Variants in BEND6 observed in about 807,000 individuals in gnomAD.
The protein encoded by BEND6 is BEN domain containing 6.
In BEND6, 24 loss-of-function variants were observed where a neutral mutation model predicts 31.8. The observed-to-expected ratio is 0.75, with a 90% confidence interval of 0.55 to 1.06. The LOEUF (loss-of-function observed/expected upper bound fraction) is 1.06, where lower values mean the gene tolerates loss of function less well. Among genes scored for constraint, BEND6 ranks in the 50% least tolerant of loss-of-function variants. BEND6 has a pLI of 0.00. For missense variants in BEND6, 294 were observed against 327.4 expected, an observed-to-expected ratio of 0.90 and a Z score of 0.79; for synonymous variants, 109 against 114.6, an observed-to-expected ratio of 0.95 and a Z score of 0.31.
intron 2 of BEND6, among the ~76,000 whole-genome samples, chr6:56,988,510 C>T (rs1826371907): frequency 6.6e-6 from 1 of 152,154 alleles, no homozygotes; most frequent in Middle Eastern, 3.2e-3. Flanking sequence ...TGAATGTTTA[C>T]TATGTGCAAT....
Position 56,992,545 on chromosome 6 carries a change from C to A in BEND6, c.288C>A (p.Val96=). Reference sequence around the variant, plus strand: ...ACAGCCGACTTCGACAGTCTTTGGTCATGCTTCAAGGTAAACTTTGAGAAA... The same window carrying A: ...ACAGCCGACTTCGACAGTCTTTGGTAATGCTTCAAGGTAAACTTTGAGAAA... ...KENSRLRQSL[V]MLQVLPQAVT... is the part of the protein sequence containing the mutation. The change falls in exon 3 of 7, where the codon GTC becomes GTA. Residue 96 remains valine, a synonymous_variant. Coordinates refer to ENST00000370746, the MANE Select transcript of BEND6 (RefSeq NM_152731.3). The A allele has an allele frequency of 1.9e-6, 3 of 1,610,966 alleles. No homozygotes were observed. The South Asian group carries it at 3.3e-5, about 18-fold the overall frequency.
intron 3 of BEND6, among the ~76,000 whole-genome samples, chr6:57,011,524 C>T (rs1243097588): frequency 6.6e-6 from 1 of 151,640 alleles, no homozygotes; most frequent in African/African-American, 2.4e-5. Flanking sequence ...TCAAGACCAG[C>T]CTGGGCAACA....
intron 1 of BEND6, among the ~76,000 whole-genome samples, chr6:56,975,150 A>G (rs1228302594): frequency 6.6e-6 from 1 of 152,056 alleles, no homozygotes; most frequent in African/African-American, 2.4e-5. Flanking sequence ...AAAAAAATAA[A>G]GGCAAAGCAC....
rs184617335 is a variant in BEND6, at chr6:57,001,787, A to T, written c.298+9232A>T. Among the ~76,000 whole-genome samples the T allele has an allele frequency of 1.3e-3, 198 of 152,350 alleles. 1 individual carries two copies. The highest frequency in any genetic ancestry group is 2.7e-3 in the Admixed American group (41 of 15,302). On this transcript the variant is annotated intron_variant, in intron 3 of 6. Transcript: ENST00000370746. ...TAATGAAACCTACTACCACAAAAAC[A>T]CACTTAAGTACGTTGCCCACAGATA...
intron 3 of BEND6, chr6:57,008,441 G>A: frequency 3.5e-6 from 2 of 566,710 alleles, no homozygotes; most frequent in Non-Finnish European, 6.3e-6. Flanking sequence ...AAATCTGTCT[G>A]TGTAACTGGA....
intron 1 of BEND6, among the ~76,000 whole-genome samples, chr6:56,965,203 A>G (rs1380922477): frequency 6.6e-6 from 1 of 152,124 alleles, no homozygotes; most frequent in Admixed American, 6.5e-5. Flanking sequence ...TTTAAATTTT[A>G]ATGTTGCTTC....
intron 1 of BEND6, among the ~76,000 whole-genome samples, chr6:56,964,699 T>A (rs959415440): frequency 6.6e-6 from 1 of 152,170 alleles, no homozygotes; most frequent in African/African-American, 2.4e-5. Flanking sequence ...CGAAGTCTCA[T>A]TATGTTACTC....
chr6:57,015,198 G>T lies in BEND6; in HGVS notation c.364G>T (p.Gly122Trp). The change falls in exon 4 of 7, where the codon GGG becomes TGG. Residue 122 changes from glycine to tryptophan, a missense_variant. Coordinates refer to ENST00000370746, the MANE Select transcript of BEND6 (RefSeq NM_152731.3). ...TATGGCCGAGGCTCTGCTTAAGGGT[G>T]GGGGAACCATGTCTACATCTGCATC... ...VGMAEALLKG[G>W]GTMSTSASTL... is the part of the protein sequence containing the mutation. 5 of 1,614,164 alleles carry T rather than the reference G, an allele frequency of 3.1e-6. No individual in the cohort carries two copies. Among genetic ancestry groups the T allele is most frequent in the Non-Finnish European group, 4.2e-6 (5 of 1,180,026 alleles).
chr6:57,013,872 T>A (rs1827434389), intron 3 of BEND6: 1 of 152,254 alleles, frequency 6.6e-6, no homozygotes, highest in Non-Finnish European at 1.5e-5. Context: ...CCTAGCGTAG[T>A]GGTTGGCAAA....
At chr6:56,975,781 G>T in intron 1 of BEND6, 1 of 529,342 alleles carries the variant, frequency 1.9e-6, no homozygotes, top group Non-Finnish European at 3.8e-6. Context: ...TAAACAGGAA[G>T]CTGGATGCAA....
At chr6:56,964,858 C>T (rs1170447291) in intron 1 of BEND6, among the ~76,000 whole-genome samples, 1 of 152,132 alleles carries the variant, frequency 6.6e-6, no homozygotes, top group Admixed American at 6.5e-5. Flanking sequence ...TCTCACTCTA[C>T]CCATCTATCC....
rs1827921000 is a variant in BEND6, at chr6:57,026,922, A to G, written c.*850A>G. 1.3e-5 allele frequency: 2 copies of G among 152,244 alleles called. No homozygotes were observed. The highest frequency in any genetic ancestry group is 2.9e-5 in the Non-Finnish European group (2 of 68,044). The allele number at this position is 152,244 out of a possible 1,614,324, so 9.4% of individuals were successfully genotyped here. A position where few individuals can be genotyped will look rare whatever the true frequency, so the allele number is the denominator to read the frequency against. On this transcript the variant is annotated 3_prime_UTR_variant, in exon 7 of 7. Transcript: ENST00000370746. Reference sequence around the variant, plus strand: ...TAACACATCGTATATAAGATATAACATGATAGATAGTTGGTCGATTACATT... The same window carrying G: ...TAACACATCGTATATAAGATATAACGTGATAGATAGTTGGTCGATTACATT...
chr6:57,001,759 AAAT>A (rs1192503763), intron 3 of BEND6, among the ~76,000 whole-genome samples: 1 of 152,254 alleles, frequency 6.6e-6, no homozygotes, highest in African/African-American at 2.4e-5. Context: ...CATGTAAACA[AAAT>A]AATGAAACCT....
chr6:56,973,688 A>G (rs1199337843), intron 1 of BEND6, among the ~76,000 whole-genome samples: 1 of 152,338 alleles, frequency 6.6e-6, no homozygotes, highest in South Asian at 2.1e-4. Context: ...GACAGCTCAC[A>G]TGCTGGGTAA....
chr6:57,001,004 C>A, intron 3 of BEND6, among the ~76,000 whole-genome samples: 1 of 147,600 alleles, frequency 6.8e-6, no homozygotes. Flanking sequence ...AAAGAAAAAA[C>A]ATTTTAGGGA....
chr6:56,963,828 TTAATA>T (rs965883025), intron 1 of BEND6, among the ~76,000 whole-genome samples: 2 of 143,570 alleles, frequency 1.4e-5, no homozygotes, highest in Admixed American at 7.0e-5. Context: ...TATTAATAAA[TTAATA>T]TAATATAACT....
intron 4 of BEND6, among the ~76,000 whole-genome samples, chr6:57,016,889 A>C (rs1299722051): frequency 6.6e-6 from 1 of 152,162 alleles, no homozygotes; most frequent in Non-Finnish European, 1.5e-5. Flanking sequence ...TCTGCCTACT[A>C]CATTTACGAT....
At chr6:56,985,414 A>T (rs1343152336) in intron 2 of BEND6, among the ~76,000 whole-genome samples, 1 of 151,984 alleles carries the variant, frequency 6.6e-6, no homozygotes, top group East Asian at 1.9e-4. Context: ...TACCTTGTTG[A>T]TCTACCTTCC....
intron 1 of BEND6, among the ~76,000 whole-genome samples, chr6:56,971,462 C>T (rs1825685716): frequency 6.6e-6 from 1 of 152,132 alleles, no homozygotes; most frequent in South Asian, 2.1e-4. Context: ...CAAGACTATG[C>T]TTTAATTCTT....
Sources: gnomAD v4.1 joint callset for allele counts (sites outside exome capture counted in the v4.1 genomes callset) on GRCh38, gnomAD v4.1.1 for gene constraint, MANE v1.5 for transcripts, NCBI Gene and HGNC (gene_info 2026-07-23, HGNC 2026-07-21) for gene names.